Variants in DNAAF11 observed in about 807,000 individuals in gnomAD.
DNAAF11 encodes dynein axonemal assembly factor 11.
Under a neutral mutation model 60.8 loss-of-function variants are expected in DNAAF11, and 45 were observed. The ratio of observed to expected loss-of-function variants is 0.74; its 90% CI spans 0.58 to 0.95. The LOEUF (loss-of-function observed/expected upper bound fraction) is 0.95, where lower values mean the gene tolerates loss of function less well. Ranked by LOEUF, DNAAF11 falls within the 40% of genes least tolerant of loss-of-function variation. The pLI is 0.00. For synonymous variants in DNAAF11, 191 were observed against 183.5 expected (o/e 1.04, Z -0.33); for missense variants, 546 against 546.2 (o/e 1.00, Z 0.00).
intron 10 of DNAAF11, among the ~76,000 whole-genome samples, chr8:132,591,293 G>T (rs1816441261): frequency 6.6e-6 from 1 of 151,860 alleles, no homozygotes; most frequent in Non-Finnish European, 1.5e-5. Context: ...GTTGCTTCTA[G>T]AAAGAACTAG....
In DNAAF11 at chr8:132,596,300, A is replaced by C. The variant is rs182029379; in HGVS notation, c.1141-12521T>G. Among the ~76,000 whole-genome samples, 10 of 152,310 alleles carry C rather than the reference A, an allele frequency of 6.6e-5. No homozygotes were observed. The East Asian group carries it at 1.7e-3, about 26-fold the overall frequency. On this transcript the variant is annotated intron_variant, in intron 10 of 11. Transcript: ENST00000620350. ...ATATGTATATGTAAAATCAACACTG[A>C]CAGTTACATAAGGCAGTTATGTGGC...
intron 10 of DNAAF11, among the ~76,000 whole-genome samples, chr8:132,609,952 G>A (rs1818488109): frequency 6.6e-6 from 1 of 152,088 alleles, no homozygotes; most frequent in Non-Finnish European, 1.5e-5. Flanking sequence ...AGTTCTTTCA[G>A]GAAAGGATAA....
chr8:132,632,966 TA>T lies in DNAAF11; in HGVS notation c.430-4del. 6.2e-7 allele frequency: 1 copy of T among 1,601,092 alleles called. No individual in the cohort carries two copies. Among genetic ancestry groups the T allele is most frequent in the Middle Eastern group, 1.7e-4 (1 of 6,032 alleles). On this transcript the variant is annotated splice_region_variant and splice_polypyrimidine_tract_variant and intron_variant, in intron 4 of 11. Transcript: ENST00000620350. ...TCTATTTCTTTACCATCCAACCACT[TA>T]AAGAAAAACAATAAATATAGTACAA...
At chr8:132,642,567 G>C (rs945562958) in intron 3 of DNAAF11, among the ~76,000 whole-genome samples, 4 of 152,340 alleles carry the variant, frequency 2.6e-5, no homozygotes, top group Middle Eastern at 3.4e-3. Context: ...GCCAGATCAA[G>C]TGTCTGGCTA....
chr8:132,654,366 C>A (rs1434580915), intron 3 of DNAAF11, among the ~76,000 whole-genome samples: 1 of 151,612 alleles, frequency 6.6e-6, no homozygotes, highest in Admixed American at 6.6e-5. Flanking sequence ...ATAGATAAAA[C>A]AATTAGAATA....
Position 132,571,738 on chromosome 8 carries a change from C to G in DNAAF11, c.*568G>C, listed in dbSNP as rs1352249075. Among the ~76,000 whole-genome samples the G allele has an allele frequency of 6.6e-6, 1 of 152,086 alleles. No individual in the cohort carries two copies. Among genetic ancestry groups the G allele is most frequent in the African/African-American group, 2.4e-5 (1 of 41,402 alleles). On this transcript the variant is annotated 3_prime_UTR_variant, in exon 12 of 12. Transcript: ENST00000620350. ...GATTATACATGAAGCCACTAAGGCT[C>G]AGAGAATTAAAGGACTTGCTGAAGG...
chr8:132,698,500 G>C, the DNAAF11 span, among the ~76,000 whole-genome samples: 1 of 152,146 alleles, frequency 6.6e-6, no homozygotes, highest in East Asian at 1.9e-4. Flanking sequence ...TCACACCAGA[G>C]AATTTCTAAA....
chr8:132,667,912 AT>A (rs1228527012), intron 1 of DNAAF11, among the ~76,000 whole-genome samples: 3 of 152,202 alleles, frequency 2.0e-5, no homozygotes, highest in Non-Finnish European at 2.9e-5. Flanking sequence ...TTTTCATTAC[AT>A]TGAGCAAAGT....
chr8:132,571,500 G>T lies in DNAAF11; in HGVS notation c.*806C>A, dbSNP rs1814182377. On this transcript the variant is annotated 3_prime_UTR_variant, in exon 12 of 12. Transcript: ENST00000620350. ...GAAGGAGTGGGATGGGGAGTAAAAA[G>T]GTGAAGAAAAAGAATAAGGGGAGAA... 6.6e-6 allele frequency among the ~76,000 whole-genome samples: 1 copy of T among 151,782 alleles called. No homozygotes were observed. Among genetic ancestry groups the T allele is most frequent in the Non-Finnish European group, 1.5e-5 (1 of 67,954 alleles).
intron 10 of DNAAF11, among the ~76,000 whole-genome samples, chr8:132,606,304 C>T (rs754431143): frequency 2.4e-4 from 37 of 151,782 alleles, no homozygotes; most frequent in Non-Finnish European, 4.6e-4. Context: ...GAGTGGGCTC[C>T]CTCTACTTAT....
intron 11 of DNAAF11, among the ~76,000 whole-genome samples, chr8:132,580,287 A>C (rs1194009567): frequency 6.6e-6 from 1 of 152,214 alleles, no homozygotes; most frequent in Non-Finnish European, 1.5e-5. Context: ...GCAGTGAGGC[A>C]TGAAGAGGAA....
rs549691657 is a variant in DNAAF11, at chr8:132,572,127, T to C, written c.*179A>G. The stretch of plus-strand genomic sequence containing the variant: ...ATGATGAGTTATAGCATTTAAGACA[T>C]ACATTTTAATTTTAAGCTATCTTAA... On this transcript the variant is annotated 3_prime_UTR_variant, in exon 12 of 12. Coordinates refer to ENST00000620350, the MANE Select transcript of DNAAF11 (RefSeq NM_012472.6). The C allele has an allele frequency of 1.5e-3, 695 of 478,470 alleles. No homozygotes were observed. The highest frequency in any genetic ancestry group is 2.3e-3 in the Non-Finnish European group (621 of 268,882). 29.6% of individuals were successfully genotyped at this position (478,470 alleles called of 1,614,324 possible). A position where few individuals can be genotyped will look rare whatever the true frequency, so the allele number is the denominator to read the frequency against.
upstream of DNAAF11, among the ~76,000 whole-genome samples, chr8:132,678,833 C>A (rs1212803837): frequency 6.6e-6 from 1 of 151,576 alleles, no homozygotes; most frequent in African/African-American, 2.4e-5. Flanking sequence ...ATGACTTAGT[C>A]TTAGATATTT....
the DNAAF11 span, among the ~76,000 whole-genome samples, chr8:132,698,277 T>A: frequency 1.3e-5 from 2 of 152,198 alleles, no homozygotes; most frequent in African/African-American, 4.8e-5. Flanking sequence ...TCTTCATTTG[T>A]GCTAACGAGA....
At chr8:132,655,238 A>C (rs1015128765) in intron 3 of DNAAF11, among the ~76,000 whole-genome samples, 4 of 152,112 alleles carry the variant, frequency 2.6e-5, no homozygotes, top group African/African-American at 4.8e-5. Flanking sequence ...TAGACCTATA[A>C]TAAGAGATTA....
intron 10 of DNAAF11, among the ~76,000 whole-genome samples, chr8:132,602,910 A>C (rs1218849335): frequency 2.6e-5 from 4 of 152,106 alleles, no homozygotes; most frequent in Admixed American, 2.6e-4. Flanking sequence ...CTCAAGCTCA[A>C]GTCCAAGTTA....
intron 2 of DNAAF11, among the ~76,000 whole-genome samples, chr8:132,659,945 T>C (rs1345949258): frequency 6.6e-6 from 1 of 152,104 alleles, no homozygotes. Flanking sequence ...CAACCAAAAA[T>C]ATCTCCAGAC....
chr8:132,581,661 C>CAAAAAA (rs59380140), intron 11 of DNAAF11, among the ~76,000 whole-genome samples: 54 of 82,774 alleles, frequency 6.5e-4, no homozygotes, highest in South Asian at 8.9e-4. Context: ...GACTCTGCCT[C>CAAAAAA]AAAAAAAAAA....
chr8:132,593,729 C>G (rs1816714101), intron 10 of DNAAF11, among the ~76,000 whole-genome samples: 1 of 151,888 alleles, frequency 6.6e-6, no homozygotes, highest in South Asian at 2.1e-4. Flanking sequence ...TGGAAAAAAA[C>G]ACAGGCCTAA....
Sources: gnomAD v4.1 joint callset for allele counts (sites outside exome capture counted in the v4.1 genomes callset) on GRCh38, gnomAD v4.1.1 for gene constraint, MANE v1.5 for transcripts, NCBI Gene and HGNC (gene_info 2026-07-23, HGNC 2026-07-21) for gene names.